The following FHOD3 variants were observed in gnomAD, a reference collection of about 807,000 sequenced individuals.
FHOD3 encodes FH1/FH2 domain-containing protein 3.
A neutral mutation model predicts 173.0 loss-of-function variants in FHOD3; 90 were observed. That is an observed-to-expected ratio of 0.52 (90% CI 0.44 to 0.62). The LOEUF is 0.62. Among genes scored for constraint, FHOD3 ranks in the 20% least tolerant of loss-of-function variants. The pLI, the probability that FHOD3 is intolerant of heterozygous loss-of-function variation, is 0.00. For missense variants in FHOD3, 1,945 were observed against 2,034.7 expected, an observed-to-expected ratio of 0.96 and a Z score of 0.85; for synonymous variants, 828 against 823.0, an observed-to-expected ratio of 1.01 and a Z score of -0.10.
At chr18:36,311,579 G>C (rs1177213692) in intron 1 of FHOD3, among the ~76,000 whole-genome samples, 2 of 152,152 alleles carry the variant, frequency 1.3e-5, no homozygotes, top group African/African-American at 4.8e-5. Context: ...TCCAGCCCCA[G>C]GTGCCATGTG....
chr18:36,676,792 A>G (rs1008436763), intron 14 of FHOD3, among the ~76,000 whole-genome samples: 3 of 152,154 alleles, frequency 2.0e-5, no homozygotes, highest in Non-Finnish European at 4.4e-5. Flanking sequence ...AGCATCACTC[A>G]TATCTGTATT....
intron 1 of FHOD3, among the ~76,000 whole-genome samples, chr18:36,313,639 A>G (rs779401133): frequency 1.3e-5 from 2 of 152,286 alleles, no homozygotes; most frequent in East Asian, 1.9e-4. Flanking sequence ...TTCCCCTGGT[A>G]TGGATATCCC....
intron 3 of FHOD3, among the ~76,000 whole-genome samples, chr18:36,404,709 G>A (rs1568227728): frequency 6.6e-6 from 1 of 152,244 alleles, no homozygotes; most frequent in East Asian, 1.9e-4. Context: ...CTATTGGGGG[G>A]CTCAAGGGAA....
intron 5 of FHOD3, among the ~76,000 whole-genome samples, chr18:36,532,461 T>C (rs2056826778): frequency 6.6e-6 from 1 of 152,184 alleles, no homozygotes; most frequent in African/African-American, 2.4e-5. Flanking sequence ...GTCTTTGGGC[T>C]GTCATGCCCA....
intron 1 of FHOD3, among the ~76,000 whole-genome samples, chr18:36,346,091 C>T (rs1899122478): frequency 6.6e-6 from 1 of 152,220 alleles, no homozygotes; most frequent in Non-Finnish European, 1.5e-5. Flanking sequence ...TTTGGCTGGG[C>T]ACAGTGGCTC....
intron 5 of FHOD3, among the ~76,000 whole-genome samples, chr18:36,526,254 A>G (rs2146712397): frequency 6.7e-6 from 1 of 149,226 alleles, no homozygotes; most frequent in Middle Eastern, 3.5e-3. Context: ...TTTGTTAGGC[A>G]TGGAATGAAA....
At chr18:36,624,142 A>G (rs1197867761) in intron 9 of FHOD3, among the ~76,000 whole-genome samples, 1 of 152,192 alleles carries the variant, frequency 6.6e-6, no homozygotes, top group African/African-American at 2.4e-5. Flanking sequence ...TGATTAAGGA[A>G]TTTATGGGCA....
chr18:36,510,966 C>A (rs1482836036), intron 4 of FHOD3, among the ~76,000 whole-genome samples: 1 of 152,070 alleles, frequency 6.6e-6, no homozygotes, highest in African/African-American at 2.4e-5. Flanking sequence ...TACCTGGTCC[C>A]CCATCCATAT....
At chr18:36,473,796 C>G (rs1273921720) in intron 3 of FHOD3, among the ~76,000 whole-genome samples, 1 of 152,210 alleles carries the variant, frequency 6.6e-6, no homozygotes, top group Non-Finnish European at 1.5e-5. Context: ...CTTCAGGTCC[C>G]CTGTGCCAGT....
chr18:36,578,066 G>T (rs767460251), intron 6 of FHOD3, among the ~76,000 whole-genome samples: 1 of 152,176 alleles, frequency 6.6e-6, no homozygotes, highest in South Asian at 2.1e-4. Flanking sequence ...TGAGGGCCTG[G>T]ATACAGAATT....
intron 17 of FHOD3, among the ~76,000 whole-genome samples, chr18:36,697,117 T>C (rs1467973552): frequency 6.6e-6 from 1 of 152,242 alleles, no homozygotes; most frequent in Non-Finnish European, 1.5e-5. Flanking sequence ...AATAATAATC[T>C]GTGTACCCAT....
rs73949867 is a variant in FHOD3, at chr18:36,695,679, G to A, written c.2236+2256G>A. 2.6e-3 allele frequency among the ~76,000 whole-genome samples: 398 copies of A among 152,298 alleles called. 3 individuals carry two copies. The highest frequency in any genetic ancestry group is 8.8e-3 in the African/African-American group (364 of 41,562). Reference sequence around the variant, plus strand: ...TAATTGATTTATAAAATTGGACATCGCAAGTGTATGAAAAGATGGTGGTCT... The same window carrying A: ...TAATTGATTTATAAAATTGGACATCACAAGTGTATGAAAAGATGGTGGTCT... On this transcript the variant is annotated intron_variant, in intron 17 of 28. Transcript: ENST00000590592.
At chr18:36,369,482 CACACACACACACACACATAT>C (rs1568181018) in intron 2 of FHOD3, among the ~76,000 whole-genome samples, 3 of 127,478 alleles carry the variant, frequency 2.4e-5, no homozygotes, top group Admixed American at 2.3e-4. Flanking sequence ...CACACACACA[CACACACACACACACACATAT>C]ATATAGAGAG....
At chr18:36,750,841 A>G (rs956702907) in intron 24 of FHOD3, among the ~76,000 whole-genome samples, 3 of 152,320 alleles carry the variant, frequency 2.0e-5, no homozygotes, top group East Asian at 1.9e-4. Flanking sequence ...CCATTGGTCT[A>G]TGTGCCTGTT....
In FHOD3 at chr18:36,494,882, G is replaced by C. The variant is rs183061937; in HGVS notation, c.338-7050G>C. 8.1e-4 allele frequency among the ~76,000 whole-genome samples: 123 copies of C among 152,212 alleles called. 1 individual carries two copies. Among genetic ancestry groups the C allele is most frequent in the Non-Finnish European group, 1.3e-3 (91 of 68,018 alleles). ...TGTTTGAGAAAGAGATAGAATTTCT[G>C]CTGGTAGGTAGAAGAGGATCCAGCA... On this transcript the variant is annotated intron_variant, in intron 3 of 28. Transcript: ENST00000590592.
At chr18:36,625,991 GT>G (rs1568513605) in intron 10 of FHOD3, among the ~76,000 whole-genome samples, 1 of 152,052 alleles carries the variant, frequency 6.6e-6, no homozygotes. Flanking sequence ...TCAGCTACCT[GT>G]TTTTAAAAAA....
chr18:36,399,659 T>C (rs2048712511), intron 3 of FHOD3, among the ~76,000 whole-genome samples: 1 of 152,220 alleles, frequency 6.6e-6, no homozygotes, highest in Non-Finnish European at 1.5e-5. Context: ...TCAGGTGCTC[T>C]AGGGCCTTCT....
intron 3 of FHOD3, among the ~76,000 whole-genome samples, chr18:36,459,441 G>C (rs1411572702): frequency 2.0e-5 from 3 of 152,142 alleles, no homozygotes; most frequent in Non-Finnish European, 1.5e-5. Context: ...CTCGCTGGCT[G>C]GGCTGCCTTA....
chr18:36,635,312 G>A (rs994488802), intron 10 of FHOD3, among the ~76,000 whole-genome samples: 1 of 152,194 alleles, frequency 6.6e-6, no homozygotes, highest in African/African-American at 2.4e-5. Context: ...TTGAATCTGA[G>A]GATCTTTCTA....
Sources: allele counts gnomAD v4.1 joint callset (sites outside exome capture counted in the v4.1 genomes callset), GRCh38; gene constraint gnomAD v4.1.1; transcripts MANE v1.5; gene names NCBI Gene and HGNC (gene_info 2026-07-23, HGNC 2026-07-21).